Variants in CHST8 observed in about 807,000 individuals in gnomAD.
The protein encoded by CHST8 is carbohydrate sulfotransferase 8, also known as GALNAC-4-ST1.
A neutral mutation model predicts 15.0 loss-of-function variants in CHST8; 10 were observed. The observed-to-expected ratio is 0.67, with a 90% confidence interval of 0.41 to 1.13. CHST8 has a LOEUF of 1.13. CHST8 is among the 50% of genes most tolerant of loss of function. The probability of loss-of-function intolerance (pLI) is 0.00; values close to 1 mark genes in which losing one functional copy is unlikely to be tolerated. For synonymous variants in CHST8, 259 were observed against 256.6 expected (o/e 1.01, Z -0.09); for missense variants, 634 against 608.2 (o/e 1.04, Z -0.45).
intron 1 of CHST8, among the ~76,000 whole-genome samples, chr19:33,625,361 G>C (rs1026957210): frequency 6.6e-6 from 1 of 151,648 alleles, no homozygotes; most frequent in East Asian, 2.0e-4. Flanking sequence ...GATTACAGGC[G>C]TGAGCTACCG....
chr19:33,724,778 G>A (rs1973862884), intron 3 of CHST8, among the ~76,000 whole-genome samples: 1 of 152,194 alleles, frequency 6.6e-6, no homozygotes, highest in South Asian at 2.1e-4. Flanking sequence ...GTGGCACAGA[G>A]AGGCCCACTC....
chr19:33,642,026 G>A (rs149407447), intron 1 of CHST8, among the ~76,000 whole-genome samples: 133 of 152,316 alleles, frequency 8.7e-4, no homozygotes, highest in African/African-American at 2.8e-3. Flanking sequence ...GATGATTTCC[G>A]CCTGGAGGAT....
At position 33,771,992 on chromosome 19, in the gene CHST8, GA is replaced by G; in HGVS notation, c.206del (p.Lys69ArgfsTer91). On this transcript the variant is annotated frameshift_variant, in exon 5 of 5. Coordinates refer to ENST00000650847, the MANE Select transcript of CHST8 (RefSeq NM_001127895.2). LOFTEE classifies it low-confidence loss of function (END_TRUNC). The stretch of plus-strand genomic sequence containing the variant: ...CAGGCGGCTCCCAGGATGGTGACTT[GA>G]AGGAACCCACAGAGAGGGTCACTCG... ...PPGGSQDGDL[K>X]EPTERVTRDL... 6.3e-7 allele frequency: 1 copy of G among 1,586,944 alleles called. No homozygotes were observed. Among genetic ancestry groups the G allele is most frequent in the Non-Finnish European group, 8.5e-7 (1 of 1,169,776 alleles).
intron 3 of CHST8, among the ~76,000 whole-genome samples, chr19:33,718,592 C>T (rs1440224603): frequency 1.3e-5 from 2 of 152,258 alleles, no homozygotes; most frequent in Non-Finnish European, 2.9e-5. Flanking sequence ...AATCTGGCAT[C>T]TGCTGCTGTT....
intron 1 of CHST8, among the ~76,000 whole-genome samples, chr19:33,650,484 TTTTTTCTTTTCTTTTTC>T (rs1568314925): frequency 6.7e-6 from 1 of 149,786 alleles, no homozygotes; most frequent in Non-Finnish European, 1.5e-5. Context: ...CAAGTTTCTT[TTTTTTCTTTTCTTTTTC>T]TTTTTCTTTT....
chr19:33,694,870 CA>C (rs1973180626), intron 3 of CHST8, among the ~76,000 whole-genome samples: 1 of 152,100 alleles, frequency 6.6e-6, no homozygotes. Context: ...CGTAAGCCAC[CA>C]CGCCTAGCTT....
chr19:33,713,977 T>C (rs1017159332), intron 3 of CHST8, among the ~76,000 whole-genome samples: 17 of 152,298 alleles, frequency 1.1e-4, no homozygotes, highest in African/African-American at 4.1e-4. Context: ...TCAATCTACC[T>C]GCACCAGGAG....
chr19:33,680,900 A>G (rs182403854), intron 2 of CHST8, among the ~76,000 whole-genome samples: 29 of 152,318 alleles, frequency 1.9e-4, no homozygotes, highest in Admixed American at 1.7e-3. Context: ...TTAAATTTTT[A>G]ATTTTGAGAT....
intron 1 of CHST8, among the ~76,000 whole-genome samples, chr19:33,625,144 G>A (rs1165550282): frequency 6.6e-6 from 1 of 151,100 alleles, no homozygotes; most frequent in Non-Finnish European, 1.5e-5. Context: ...AGAGTGCAAT[G>A]TTGCGATCTC....
At position 33,766,434 on chromosome 19, in the gene CHST8, G is replaced by A. The variant is rs1052081614; in HGVS notation, c.131-4979G>A. On this transcript the variant is annotated intron_variant, in intron 3 of 4. Transcript: ENST00000650847. The stretch of plus-strand genomic sequence containing the variant: ...CTGCCAGCACCCTGCACTCGGGGCA[G>A]GCCATCTGTAGCTCAGCACTGCACT... Among the ~76,000 whole-genome samples, 4 of 152,308 alleles carry A rather than the reference G, an allele frequency of 2.6e-5. No homozygotes were observed. The South Asian group carries it at 6.2e-4, about 24-fold the overall frequency.
At chr19:33,669,169 T>C (rs926727744) in intron 2 of CHST8, among the ~76,000 whole-genome samples, 25 of 152,182 alleles carry the variant, frequency 1.6e-4, no homozygotes, top group African/African-American at 6.0e-4. Context: ...GCATTCCTGC[T>C]TCTTGGAGCC....
chr19:33,719,415 C>T (rs2145306815), intron 3 of CHST8, among the ~76,000 whole-genome samples: 1 of 152,140 alleles, frequency 6.6e-6, no homozygotes, highest in Non-Finnish European at 1.5e-5. Flanking sequence ...TTTTAGGAAG[C>T]CTAAGCTCAC....
At chr19:33,744,320 T>A (rs1465801874) in intron 3 of CHST8, 1 of 152,240 alleles carries the variant, frequency 6.6e-6, no homozygotes. Flanking sequence ...AAGGCATGTG[T>A]TATGTTGCAG....
At chr19:33,629,631 A>G (rs1972098112) in intron 1 of CHST8, among the ~76,000 whole-genome samples, 2 of 152,222 alleles carry the variant, frequency 1.3e-5, no homozygotes, top group South Asian at 4.1e-4. Flanking sequence ...CGTTGTGCCC[A>G]TGCTGCTGGC....
chr19:33,772,926 G>A lies in CHST8; in HGVS notation c.1138G>A (p.Glu380Lys). ...CCGGTTCAAGGACCGGCACTCGCAG[G>A]AGGCGCGGACCACAGCGAGGATCGC... ...FPRFKDRHSQ[E>K]ARTTARIAHQ... The change falls in exon 5 of 5, where the codon GAG (glutamate) becomes AAG (lysine). Residue 380 changes from glutamate to lysine, a missense_variant. Transcript: ENST00000650847. 6.2e-7 allele frequency: 1 copy of A among 1,613,460 alleles called. No homozygotes were observed. Among genetic ancestry groups the A allele is most frequent in the East Asian group, 2.2e-5 (1 of 44,890 alleles).
chr19:33,652,015 A>G (rs1274855682), intron 1 of CHST8, among the ~76,000 whole-genome samples: 2 of 152,122 alleles, frequency 1.3e-5, no homozygotes, highest in Non-Finnish European at 2.9e-5. Flanking sequence ...AGATCTCTCA[A>G]TATGGTTATG....
At chr19:33,667,262 TGGGAA>T (rs979634521) in intron 1 of CHST8, among the ~76,000 whole-genome samples, 6 of 152,124 alleles carry the variant, frequency 3.9e-5, no homozygotes, top group African/African-American at 1.4e-4. Flanking sequence ...GGTTTCGCTG[TGGGAA>T]GGGAAGTGGG....
chr19:33,748,759 C>T (rs903798533), intron 3 of CHST8, among the ~76,000 whole-genome samples: 12 of 152,132 alleles, frequency 7.9e-5, no homozygotes, highest in Non-Finnish European at 1.6e-4. Flanking sequence ...AAATTGCTGC[C>T]GCTCCTGGGC....
intron 3 of CHST8, among the ~76,000 whole-genome samples, chr19:33,770,560 A>G (rs926338301): frequency 6.6e-6 from 1 of 152,228 alleles, no homozygotes; most frequent in Non-Finnish European, 1.5e-5. Context: ...ATGAGGTATG[A>G]CACAGAATAT....
Sources: gnomAD v4.1 joint callset for allele counts (sites outside exome capture counted in the v4.1 genomes callset) on GRCh38, gnomAD v4.1.1 for gene constraint, MANE v1.5 for transcripts, NCBI Gene and HGNC (gene_info 2026-07-23, HGNC 2026-07-21) for gene names.